SNTB1: variants seen among roughly 807,000 people sequenced by gnomAD.
SNTB1 encodes syntrophin beta 1, also known as beta-1-syntrophin.
Under a neutral mutation model 48.9 loss-of-function variants are expected in SNTB1, and 36 were observed. The ratio of observed to expected loss-of-function variants is 0.74; its 90% CI spans 0.56 to 0.97. The LOEUF (loss-of-function observed/expected upper bound fraction) is 0.97, where lower values mean the gene tolerates loss of function less well. Ranked by LOEUF, SNTB1 falls within the 50% of genes least tolerant of loss-of-function variation. The probability of loss-of-function intolerance (pLI) is 0.00; values close to 1 mark genes in which losing one functional copy is unlikely to be tolerated. For missense variants in SNTB1, 786 were observed against 703.4 expected (o/e 1.12, Z -1.33); for synonymous variants, 299 against 294.6 (o/e 1.01, Z -0.15).
At chr8:120,695,571 C>A (rs1003028023) in intron 1 of SNTB1, among the ~76,000 whole-genome samples, 2 of 152,022 alleles carry the variant, frequency 1.3e-5, no homozygotes, top group Non-Finnish European at 2.9e-5. Flanking sequence ...CAAACTACGG[C>A]ACAAAGTAGA....
intron 2 of SNTB1, among the ~76,000 whole-genome samples, chr8:120,651,596 A>G (rs1231852639): frequency 6.6e-6 from 1 of 152,224 alleles, no homozygotes; most frequent in Non-Finnish European, 1.5e-5. Context: ...CATACCCCAA[A>G]AGAACCATTT....
chr8:120,559,652 G>A (rs987465285), intron 4 of SNTB1, among the ~76,000 whole-genome samples: 2 of 152,034 alleles, frequency 1.3e-5, no homozygotes, highest in African/African-American at 4.8e-5. Flanking sequence ...AGCCTGACTA[G>A]TTTTGAACAA....
At chr8:120,753,297 A>T (rs1332463927) in intron 1 of SNTB1, among the ~76,000 whole-genome samples, 1 of 152,162 alleles carries the variant, frequency 6.6e-6, no homozygotes, top group African/African-American at 2.4e-5. Flanking sequence ...ATGGTTTGAA[A>T]CATGGTAATG....
chr8:120,767,946 C>T (rs1010144486), intron 1 of SNTB1, among the ~76,000 whole-genome samples: 60 of 152,094 alleles, frequency 3.9e-4, no homozygotes, highest in African/African-American at 1.4e-3. Flanking sequence ...TCTTTACTTC[C>T]CTCAAAAGTC....
At chr8:120,726,491 C>T (rs982403102) in intron 1 of SNTB1, among the ~76,000 whole-genome samples, 1 of 152,118 alleles carries the variant, frequency 6.6e-6, no homozygotes. Flanking sequence ...TTTCAAATGG[C>T]TAAACAAAAT....
chr8:120,564,021 T>C (rs1161760349), intron 4 of SNTB1, among the ~76,000 whole-genome samples: 1 of 151,298 alleles, frequency 6.6e-6, no homozygotes, highest in South Asian at 2.1e-4. Flanking sequence ...GGCAGGAGAA[T>C]CACCTGAACC....
At chr8:120,551,526 A>T (rs367789202) in intron 4 of SNTB1, among the ~76,000 whole-genome samples, 172 of 152,108 alleles carry the variant, frequency 1.1e-3, no homozygotes, top group African/African-American at 3.8e-3. Context: ...TAAGGTCGTG[A>T]CCATCCTGGC....
intron 1 of SNTB1, among the ~76,000 whole-genome samples, chr8:120,768,421 G>C (rs1181623276): frequency 6.6e-6 from 1 of 152,178 alleles, no homozygotes; most frequent in Non-Finnish European, 1.5e-5. Context: ...TAAATCGTGT[G>C]TGCAAATAAC....
intron 2 of SNTB1, chr8:120,654,945 G>T: frequency 2.2e-6 from 1 of 455,950 alleles, no homozygotes; most frequent in South Asian, 1.5e-5. Flanking sequence ...AGTCTTGCTG[G>T]CTTGCAGCAA....
At chr8:120,714,040 T>C in intron 1 of SNTB1, among the ~76,000 whole-genome samples, 1 of 152,218 alleles carries the variant, frequency 6.6e-6, no homozygotes, top group Non-Finnish European at 1.5e-5. Context: ...GGTTCATTAA[T>C]TAGTGTCTGC....
intron 3 of SNTB1, among the ~76,000 whole-genome samples, chr8:120,622,481 G>C (rs375526982): frequency 2.0e-5 from 3 of 152,114 alleles, no homozygotes; most frequent in South Asian, 2.1e-4. Context: ...AGTACTATTA[G>C]AAGTAATAAA....
At position 120,801,760 on chromosome 8, in the gene SNTB1, T is replaced by A. The variant is rs538065370; in HGVS notation, c.571+9513A>T. The stretch of plus-strand genomic sequence containing the variant: ...AGTTCTTCCAAAGAGTATTCACAGC[T>A]GCTCCTATCGTTTGTCCGGGGGCCT... On this transcript the variant is annotated intron_variant, in intron 1 of 6. Coordinates refer to ENST00000517992, the MANE Select transcript of SNTB1 (RefSeq NM_021021.4). 1.8e-4 allele frequency among the ~76,000 whole-genome samples: 28 copies of A among 152,280 alleles called. No homozygotes were observed. In the South Asian group the frequency reaches 5.8e-3, roughly 32 times the overall value.
At chr8:120,579,545 G>T (rs1252812021) in intron 3 of SNTB1, among the ~76,000 whole-genome samples, 1 of 152,140 alleles carries the variant, frequency 6.6e-6, no homozygotes, top group African/African-American at 2.4e-5. Context: ...GGGCATGGTG[G>T]TGCATGCCCT....
chr8:120,787,840 C>G (rs748799576), intron 1 of SNTB1, among the ~76,000 whole-genome samples: 6 of 152,106 alleles, frequency 3.9e-5, no homozygotes, highest in Admixed American at 1.3e-4. Context: ...CCTGGCCTTG[C>G]TAGAGATTTA....
rs77015967 is a variant in SNTB1 at position 120,586,244 on chromosome 8, C to T, written c.997-11019G>A. On this transcript the variant is annotated intron_variant, in intron 3 of 6. Coordinates refer to ENST00000517992, the MANE Select transcript of SNTB1 (RefSeq NM_021021.4). The stretch of plus-strand genomic sequence containing the variant: ...AGTGTTTCAAGAGAAGCCAGGAATC[C>T]GAATGTTTTTATGTAAACTTTCCCT... Among the ~76,000 whole-genome samples, 480 of 152,286 alleles carry T rather than the reference C, an allele frequency of 3.2e-3. 9 individuals are homozygous for T. The highest frequency in any genetic ancestry group is 0.022 in the East Asian group (113 of 5,186).
chr8:120,719,852 C>A (rs886609113), intron 1 of SNTB1, among the ~76,000 whole-genome samples: 3 of 152,162 alleles, frequency 2.0e-5, no homozygotes, highest in African/African-American at 7.2e-5. Context: ...GTCCTCATGC[C>A]ATGGAATGAA....
At chr8:120,811,140 C>T (rs916081064) in intron 1 of SNTB1, 133 bp downstream of exon 1, 7 of 1,263,318 alleles carry the variant, frequency 5.5e-6, no homozygotes, top group South Asian at 4.8e-5. Flanking sequence ...TTCCCCCCCC[C>T]CCAACACACA....
chr8:120,688,485 T>C (rs1818070858), intron 2 of SNTB1, among the ~76,000 whole-genome samples: 1 of 152,140 alleles, frequency 6.6e-6, no homozygotes, highest in Admixed American at 6.5e-5. Context: ...TCTGGGGTAA[T>C]AAAATAAAAA....
intron 1 of SNTB1, among the ~76,000 whole-genome samples, chr8:120,740,616 G>T (rs1819025884): frequency 6.6e-6 from 1 of 152,126 alleles, no homozygotes; most frequent in Non-Finnish European, 1.5e-5. Context: ...ATGTTAAGCA[G>T]CTCCAGGCAT....
Sources: gnomAD v4.1 joint callset for allele counts (sites outside exome capture counted in the v4.1 genomes callset) on GRCh38, gnomAD v4.1.1 for gene constraint, MANE v1.5 for transcripts, NCBI Gene and HGNC (gene_info 2026-07-23, HGNC 2026-07-21) for gene names.